PPP1R16A: variants seen among roughly 807,000 people sequenced by gnomAD.
PPP1R16A encodes the protein myosin phosphatase-targeting subunit 3.
PPP1R16A carries 39 observed loss-of-function variants against 46.6 expected under a neutral mutation model. The ratio of observed to expected loss-of-function variants is 0.84; its 90% CI spans 0.65 to 1.09. PPP1R16A has a LOEUF of 1.09. Among genes scored for constraint, PPP1R16A ranks in the 50% least tolerant of loss-of-function variants. The probability of loss-of-function intolerance (pLI) is 0.00; values close to 1 mark genes in which losing one functional copy is unlikely to be tolerated. For missense variants in PPP1R16A, 798 were observed against 735.6 expected (o/e 1.08, Z -0.98); for synonymous variants, 413 against 321.5 (o/e 1.28, Z -3.04).
Position 144,500,767 on chromosome 8 carries a change from C to T in PPP1R16A, c.907+6C>T, listed in dbSNP as rs376968770. ...GATGGACGAGACGCCCCTTGGTGAG[C>T]TTGCGGGGCCCACCTCCACCTGGGG... On this transcript the variant is annotated splice_donor_region_variant and intron_variant, in intron 9 of 11. Transcript: ENST00000435887. 7.4e-5 allele frequency: 119 copies of T among 1,610,698 alleles called. 1 individual carries two copies. Among genetic ancestry groups the T allele is most frequent in the Non-Finnish European group, 1.0e-4 (118 of 1,179,296 alleles).
rs758829737 is a variant in PPP1R16A at position 144,499,071 on chromosome 8, G to C, written c.476+10G>C. The C allele has an allele frequency of 6.8e-5, 107 of 1,565,864 alleles. No homozygotes were observed. The highest frequency in any genetic ancestry group is 9.2e-5 in the Non-Finnish European group (106 of 1,153,496). ...AGCTGCTCATCGCCAGGTAGGGCCTGTTGGGCGTCCTTGGCAGGGAGAGGC... is the reference window on the plus strand; with the variant it reads ...AGCTGCTCATCGCCAGGTAGGGCCTCTTGGGCGTCCTTGGCAGGGAGAGGC... On this transcript the variant is annotated intron_variant, in intron 5 of 11. Transcript: ENST00000435887.
At position 144,501,681 on chromosome 8, in the gene PPP1R16A, C is replaced by T. The variant is rs776696325; in HGVS notation, c.1365C>T (p.Thr455=). Residue 455 remains threonine, a synonymous_variant, in exon 12 of 12, where the codon ACC becomes ACT. Coordinates refer to ENST00000435887, the MANE Select transcript of PPP1R16A (RefSeq NM_001329443.2). ...HTLVHDKAHH[T]LADLKRQRAA... ...TGGTCCACGACAAGGCCCACCACAC[C>T]CTGGCTGACCTGAAGCGCCAGCGAG... The T allele has an allele frequency of 5.0e-6, 8 of 1,607,658 alleles. No individual in the cohort carries two copies. The highest frequency in any genetic ancestry group is 6.8e-6 in the Non-Finnish European group (8 of 1,177,816).
chr8:144,487,047 G>A (rs1825648862), intron 1 of PPP1R16A, among the ~76,000 whole-genome samples: 2 of 151,398 alleles, frequency 1.3e-5, no homozygotes, highest in Admixed American at 6.6e-5. Context: ...GAGTGCAGTG[G>A]TGTGATCTCG....
At chr8:144,500,640 G>A (rs1272191909) in intron 8 of PPP1R16A, 28 bp downstream of exon 8, 2 of 1,604,430 alleles carry the variant, frequency 1.2e-6, no homozygotes, top group African/African-American at 2.7e-5. Flanking sequence ...CAGGTGGGAG[G>A]GGGCTTCCAG....
At position 144,496,609 on chromosome 8, in the gene PPP1R16A, T is replaced by G. The variant is rs1436662225; in HGVS notation, c.-586T>G. The G allele has an allele frequency of 6.2e-6, 1 of 160,270 alleles. No individual in the cohort carries two copies. The highest frequency in any genetic ancestry group is 1.4e-5 in the Non-Finnish European group (1 of 72,300). 9.9% of individuals were successfully genotyped at this position (160,270 alleles called of 1,614,324 possible). A position where few individuals can be genotyped will look rare whatever the true frequency, so the allele number is the denominator to read the frequency against. On this transcript the variant is annotated 5_prime_UTR_variant, in exon 3 of 12. Coordinates refer to ENST00000435887, the MANE Select transcript of PPP1R16A (RefSeq NM_001329443.2). The stretch of plus-strand genomic sequence containing the variant: ...TCTGACTACCTGCCCTCCCCCAGCC[T>G]CAGCGGCTGCACCTCCTCGTTAGTA...
intron 5 of PPP1R16A, chr8:144,499,361 T>G: frequency 4.7e-6 from 2 of 422,174 alleles, no homozygotes; most frequent in Admixed American, 4.0e-5. Context: ...AGGGCAGAAC[T>G]GCTAAGGAGG....
rs755359811 is a variant in PPP1R16A, at chr8:144,488,436, G to A, written c.-913-1598G>A. ...TGGGGCAAGGTGAGGGCATGGCAGC[G>A]AGGGAGGCACTGGAGTGTTGGAGTC... On this transcript the variant is annotated intron_variant, in intron 1 of 11. Transcript: ENST00000435887. Among the ~76,000 whole-genome samples the A allele has an allele frequency of 3.7e-4, 56 of 152,166 alleles. 1 individual carries two copies. Among genetic ancestry groups the A allele is most frequent in the Non-Finnish European group, 1.3e-4 (9 of 68,032 alleles).
At chr8:144,496,404 C>G (rs1826069443) in intron 2 of PPP1R16A, 57 bp from the exon 3 acceptor site, 1 of 152,548 alleles carries the variant, frequency 6.6e-6, no homozygotes, top group Non-Finnish European at 1.5e-5. Flanking sequence ...AGGGGCTCCC[C>G]CGGGCCACCC....
chr8:144,485,240 A>AT (rs1355613741), intron 1 of PPP1R16A, among the ~76,000 whole-genome samples: 16 of 138,546 alleles, frequency 1.2e-4, no homozygotes, highest in African/African-American at 3.8e-4. Context: ...AAAAAAAAAA[A>AT]GGCCAGGCGC....
chr8:144,486,078 T>A (rs1825616519), intron 1 of PPP1R16A, among the ~76,000 whole-genome samples: 1 of 152,236 alleles, frequency 6.6e-6, no homozygotes, highest in African/African-American at 2.4e-5. Flanking sequence ...CATTTGGTTT[T>A]TTCCCCCAGT....
At chr8:144,500,634 T>G (rs1428822159) in intron 8 of PPP1R16A, 22 bp downstream of exon 8, 2 of 1,603,362 alleles carry the variant, frequency 1.2e-6, no homozygotes, top group Non-Finnish European at 1.7e-6. Context: ...CGGGAGCAGG[T>G]GGGAGGGGGC....
chr8:144,502,082 T>C lies in PPP1R16A; in HGVS notation c.*179T>C. The C allele has an allele frequency of 1.0e-5, 6 of 597,932 alleles. No individual in the cohort carries two copies. The highest frequency in any genetic ancestry group is 8.3e-6 in the Non-Finnish European group (3 of 359,462). 37.0% of individuals were successfully genotyped at this position (597,932 alleles called of 1,614,324 possible). ...GGATGTCTGGCTGCAAAGACTATTT[T>C]TATCCTGCAACTCTTGATAAAGGGC... On this transcript the variant is annotated 3_prime_UTR_variant, in exon 12 of 12. Coordinates refer to ENST00000435887, the MANE Select transcript of PPP1R16A (RefSeq NM_001329443.2).
At chr8:144,501,059 G>A in intron 10 of PPP1R16A, 70 bp from the exon 11 acceptor site, 1 of 1,550,332 alleles carries the variant, frequency 6.5e-7, no homozygotes, top group Non-Finnish European at 8.7e-7. Flanking sequence ...TGGGGGCAGA[G>A]TCCGAGGGGG....
intron 3 of PPP1R16A, 146 bp from the exon 4 acceptor site, chr8:144,498,624 T>C: frequency 1.3e-6 from 1 of 750,146 alleles, no homozygotes; most frequent in Admixed American, 3.0e-5. Context: ...TGCCTGGTGC[T>C]TCTGCCCCCA....
In PPP1R16A at chr8:144,500,597, G is replaced by T. The variant is rs369111696; in HGVS notation, c.816G>T (p.Ala272=). The change falls in exon 8 of 12, where the codon GCG becomes GCT. Residue 272 remains alanine (A), a synonymous_variant. Coordinates refer to ENST00000435887, the MANE Select transcript of PPP1R16A (RefSeq NM_001329443.2). ...ACGGCTGGGAGCCGCTGCACGCCGC[G>T]GCCTACTGGGGCCAGGTGAGTGCGG... ...DQDGWEPLHA[A]AYWGQVPLVE... is the part of the protein sequence containing the mutation. 4 of 1,600,054 alleles carry T rather than the reference G, an allele frequency of 2.5e-6. No individual in the cohort carries two copies. The highest frequency in any genetic ancestry group is 3.4e-6 in the Non-Finnish European group (4 of 1,179,004).
intron 1 of PPP1R16A, among the ~76,000 whole-genome samples, chr8:144,480,242 C>G (rs1323167209): frequency 6.6e-6 from 1 of 152,196 alleles, no homozygotes; most frequent in Non-Finnish European, 1.5e-5. Flanking sequence ...ATGTGCTAGA[C>G]CAGGGGTTGG....
intron 2 of PPP1R16A, among the ~76,000 whole-genome samples, chr8:144,492,208 T>C (rs1825837544): frequency 6.6e-6 from 1 of 152,178 alleles, no homozygotes; most frequent in Non-Finnish European, 1.5e-5. Context: ...CACCCTGCGA[T>C]GTGCGGCCAG....
At chr8:144,479,731 C>G (rs1452253898) in intron 1 of PPP1R16A, among the ~76,000 whole-genome samples, 1 of 152,206 alleles carries the variant, frequency 6.6e-6, no homozygotes, top group Admixed American at 6.5e-5. Flanking sequence ...GTGTCCTAAC[C>G]CTAGCACTTG....
In PPP1R16A at chr8:144,499,050, G is replaced by C. The variant is rs752513838; in HGVS notation, c.465G>C (p.Leu155=). The C allele has an allele frequency of 1.3e-6, 2 of 1,580,720 alleles. No individual in the cohort carries two copies. The highest frequency in any genetic ancestry group is 1.9e-4 in the Middle Eastern group (1 of 5,198). Residue 155 remains leucine (L), a synonymous_variant, in exon 5 of 12, where the codon CTG becomes CTC. Coordinates refer to ENST00000435887, the MANE Select transcript of PPP1R16A (RefSeq NM_001329443.2). ...GCGGCCACCTGCACCTGGTGGAGCT[G>C]CTCATCGCCAGGTAGGGCCTGTTGG... ...ATCGHLHLVE[L]LIASGANLLA...
Sources: gnomAD v4.1 joint callset for allele counts (sites outside exome capture counted in the v4.1 genomes callset) on GRCh38, gnomAD v4.1.1 for gene constraint, MANE v1.5 for transcripts, NCBI Gene and HGNC (gene_info 2026-07-23, HGNC 2026-07-21) for gene names.